The following PCID2 variants were observed in gnomAD, a reference collection of about 807,000 sequenced individuals.
The protein encoded by PCID2 is PCI domain-containing protein 2.
Under a neutral mutation model 61.3 loss-of-function variants are expected in PCID2, and 41 were observed. That is an observed-to-expected ratio of 0.67 (90% CI 0.52 to 0.87). The LOEUF (loss-of-function observed/expected upper bound fraction) is 0.87. PCID2 is among the 40% of genes least tolerant of loss of function. The pLI is 0.00. For synonymous variants in PCID2, 187 were observed against 177.8 expected (o/e 1.05, Z -0.41); for missense variants, 392 against 493.4 (o/e 0.79, Z 1.95).
At chr13:113,181,689 G>A (rs2037651228) in intron 9 of PCID2, among the ~76,000 whole-genome samples, 1 of 152,054 alleles carries the variant, frequency 6.6e-6, no homozygotes. Context: ...TATAATTAGT[G>A]ATCATATATC....
rs1322098935 is a variant in PCID2 at position 113,179,767 on chromosome 13, G to A, written c.986+150C>T. 1.3e-6 allele frequency: 1 copy of A among 763,046 alleles called. No homozygotes were observed. The highest frequency in any genetic ancestry group is 2.1e-6 in the Non-Finnish European group (1 of 479,860). 47.3% of individuals were successfully genotyped at this position (763,046 alleles called of 1,614,324 possible). Reference sequence around the variant, plus strand: ...GCGCAGGGTCCCCAGGAGGCAGTGGGCGGAGGCTTCATTTTATCCCACACA... The same window carrying A: ...GCGCAGGGTCCCCAGGAGGCAGTGGACGGAGGCTTCATTTTATCCCACACA... On this transcript the variant is annotated intron_variant, in intron 12 of 13. Transcript: ENST00000337344. This position sits in a 1 kb window ranked among gnomAD's most constrained non-coding sequence, Gnocchi z 4.3.
chr13:113,185,722 A>G, intron 7 of PCID2, 162 bp from the exon 8 acceptor site: 2 of 494,738 alleles, frequency 4.0e-6, no homozygotes, highest in Admixed American at 3.4e-5. Context: ...ATCAAACAAA[A>G]TAACATTATG....
chr13:113,206,398 C>T (rs2039823484), intron 1 of PCID2, among the ~76,000 whole-genome samples: 1 of 152,128 alleles, frequency 6.6e-6, no homozygotes, highest in Non-Finnish European at 1.5e-5. Context: ...TGCAGCAGGG[C>T]GTCCTGGCTG....
At chr13:113,175,142 G>C (rs1448654533), downstream of PCID2, among the ~76,000 whole-genome samples, 1 of 152,182 alleles carries the variant, frequency 6.6e-6, no homozygotes, top group Non-Finnish European at 1.5e-5. Context: ...ATGTGGAACT[G>C]TGAGTCCATT....
chr13:113,184,154 G>T, intron 9 of PCID2, 192 bp downstream of exon 9: 2 of 431,756 alleles, frequency 4.6e-6, no homozygotes, highest in Non-Finnish European at 6.2e-6. Context: ...GCACTTCAGA[G>T]ACCCAGTATG....
In PCID2 at chr13:113,200,482, G is replaced by C. The variant is rs762128549; in HGVS notation, c.71C>G (p.Ser24Cys). 5 of 1,613,504 alleles carry C rather than the reference G, an allele frequency of 3.1e-6. No homozygotes were observed. In the South Asian group the frequency reaches 5.5e-5, roughly 18 times the overall value. ...YEAIDSRDGA[S>C]CAELVSFKHP... Reference sequence around the variant, plus strand: ...TTTAAAAGACACCAACTCTGCACAAGATGCTCCATCTCTGCTGTCGATGGC... The same window carrying C: ...TTTAAAAGACACCAACTCTGCACAACATGCTCCATCTCTGCTGTCGATGGC... The change falls in exon 2 of 14, where the codon TCT becomes TGT. Residue 24 changes from serine (S) to cysteine (C), a missense_variant. Transcript: ENST00000337344.
At chr13:113,176,287 C>T (rs757127150), downstream of PCID2, among the ~76,000 whole-genome samples, 29 of 152,368 alleles carry the variant, frequency 1.9e-4, no homozygotes, top group South Asian at 1.2e-3. Context: ...TTTTTATAAA[C>T]GGGGAAATGT....
At chr13:113,205,807 G>A (rs9549357) in intron 1 of PCID2, among the ~76,000 whole-genome samples, 26,361 of 152,232 alleles carry the variant, frequency 0.17, 2,942 homozygotes, top group South Asian at 0.41. Context: ...ACAAGCGCTC[G>A]GGAGGGAGGA....
intron 6 of PCID2, among the ~76,000 whole-genome samples, chr13:113,192,343 G>T (rs1566963927): frequency 6.6e-6 from 1 of 152,166 alleles, no homozygotes; most frequent in African/African-American, 2.4e-5. Flanking sequence ...TATTCTTTGT[G>T]ATGAAATGAG....
intron 7 of PCID2, chr13:113,187,164 A>AAACCAAACAAAAC (rs775441555): frequency 3.3e-5 from 5 of 152,250 alleles, no homozygotes; most frequent in Non-Finnish European, 7.3e-5. Context: ...AGCTATGGAA[A>AAACCAAACAAAAC]AACCAAACAA....
chr13:113,184,203 T>C (rs993051709), intron 9 of PCID2, 143 bp downstream of exon 9: 6 of 889,824 alleles, frequency 6.7e-6, no homozygotes, highest in Non-Finnish European at 1.0e-5. Flanking sequence ...TTAATCAGCT[T>C]TAGTGTCAAA....
intron 10 of PCID2, among the ~76,000 whole-genome samples, chr13:113,180,913 C>A (rs1320118755): frequency 6.6e-6 from 1 of 152,160 alleles, no homozygotes; most frequent in African/African-American, 2.4e-5. Flanking sequence ...AAACAAGACA[C>A]AGGGAGAGCT....
At chr13:113,197,316 T>C in intron 3 of PCID2, 73 bp from the exon 4 acceptor site, 1 of 1,045,244 alleles carries the variant, frequency 9.6e-7, no homozygotes. Context: ...CACAGCTCAC[T>C]TCATTGCACA....
rs1566940756 is a variant in PCID2 at position 113,179,978 on chromosome 13, C to T, written c.925G>A (p.Gly309Arg). ...AKHEAFFIRC[G>R]IFLILEKLKI... is the part of the protein sequence containing the mutation. ...AGCTTCTCCAGGATGAGGAAGATTC[C>T]GCAGCGAATGAAGAAGGCCTCGTGC... is the stretch of plus-strand genomic sequence containing the variant. The change falls in exon 12 of 14, where the codon GGA becomes AGA. Residue 309 changes from glycine (G) to arginine (R), a missense_variant. This residue lies in a region of PCID2 where 226 missense variants were observed against 296.5 expected (regional missense o/e 0.76). Coordinates refer to ENST00000337344, the MANE Select transcript of PCID2 (RefSeq NM_001127202.4). The surrounding 1 kb of genome is among the most constrained non-coding windows in gnomAD (Gnocchi z 4.3). 8 of 1,613,896 alleles carry T rather than the reference C, an allele frequency of 5.0e-6. No homozygotes were observed. In the African/African-American group the frequency reaches 5.3e-5, roughly 11 times the overall value.
intron 7 of PCID2, chr13:113,185,822 G>A (rs1044603813): frequency 3.0e-5 from 10 of 338,342 alleles, no homozygotes; most frequent in East Asian, 2.0e-4. Flanking sequence ...TCCTTCCTCC[G>A]CGGCACCAGC....
chr13:113,197,283 C>T, intron 3 of PCID2, 40 bp from the exon 4 acceptor site: 1 of 1,426,168 alleles, frequency 7.0e-7, no homozygotes, highest in Non-Finnish European at 9.9e-7. Context: ...ACAATAAAAA[C>T]CTAGCACTAG....
At chr13:113,198,835 T>C (rs2480949) in intron 2 of PCID2, among the ~76,000 whole-genome samples, 107,653 of 152,174 alleles carry the variant, frequency 0.71, 38,838 homozygotes, top group Middle Eastern at 0.81. Context: ...GGCACTTTCA[T>C]ATACATTTCA....
chr13:113,167,470 G>T, the PCID2 span, among the ~76,000 whole-genome samples: 1 of 152,172 alleles, frequency 6.6e-6, no homozygotes, highest in Non-Finnish European at 1.5e-5. Context: ...CGTGCTATGT[G>T]GGCACATGCT....
chr13:113,180,144 A>G lies in PCID2; in HGVS notation c.860+14T>C, dbSNP rs1566941578. The G allele has an allele frequency of 6.2e-7, 1 of 1,613,720 alleles. No homozygotes were observed. Among genetic ancestry groups the G allele is most frequent in the Non-Finnish European group, 8.5e-7 (1 of 1,179,680 alleles). On this transcript the variant is annotated intron_variant, in intron 11 of 13. Coordinates refer to ENST00000337344, the MANE Select transcript of PCID2 (RefSeq NM_001127202.4). ...ATTTTTAAAACCCCAAACAGGAAGGATGGCATACTCTACCTCACAGCTCTG... is the reference window on the plus strand; with the variant it reads ...ATTTTTAAAACCCCAAACAGGAAGGGTGGCATACTCTACCTCACAGCTCTG...
Sources: gnomAD v4.1 joint callset for allele counts (sites outside exome capture counted in the v4.1 genomes callset) on GRCh38, gnomAD v4.1.1 for gene constraint, gnomAD v4.1.1 regional missense constraint, Gnocchi (gnomAD v3.1) non-coding constraint, MANE v1.5 for transcripts, NCBI Gene and HGNC (gene_info 2026-07-23, HGNC 2026-07-21) for gene names.